DPP4: variants seen among roughly 807,000 people sequenced by gnomAD.
The protein encoded by DPP4 is ADCP-2.
DPP4 carries 93 observed loss-of-function variants against 122.4 expected under a neutral mutation model. That is an observed-to-expected ratio of 0.76 (90% CI 0.64 to 0.90). The LOEUF (loss-of-function observed/expected upper bound fraction) is 0.90. Among genes scored for constraint, DPP4 ranks in the 40% least tolerant of loss-of-function variants. DPP4 has a pLI of 0.00. For synonymous variants in DPP4, 321 were observed against 302.9 expected, an observed-to-expected ratio of 1.06 and a Z score of -0.62; for missense variants, 914 against 907.3, an observed-to-expected ratio of 1.01 and a Z score of -0.09.
intron 2 of DPP4, among the ~76,000 whole-genome samples, chr2:162,058,923 A>T (rs1270200469): frequency 6.6e-6 from 1 of 152,262 alleles, no homozygotes; most frequent in African/African-American, 2.4e-5. Flanking sequence ...TGCTCACAAG[A>T]CTGGACTTGA....
chr2:162,005,272 C>T (rs780068882), intron 23 of DPP4, among the ~76,000 whole-genome samples: 1 of 152,198 alleles, frequency 6.6e-6, no homozygotes, highest in Non-Finnish European at 1.5e-5. Flanking sequence ...TACTGCCCAA[C>T]TGTACCTACC....
intron 22 of DPP4, among the ~76,000 whole-genome samples, chr2:162,007,785 T>C (rs1236829257): frequency 6.6e-6 from 1 of 152,214 alleles, no homozygotes; most frequent in Non-Finnish European, 1.5e-5. Flanking sequence ...AATGTATTTT[T>C]ACATTGGTTT....
intron 5 of DPP4, among the ~76,000 whole-genome samples, chr2:162,041,005 C>CA (rs1189680899): frequency 2.0e-5 from 3 of 151,600 alleles, no homozygotes; most frequent in Admixed American, 6.6e-5. Context: ...ATGCAATTTA[C>CA]AAAAAACTAT....
intron 18 of DPP4, among the ~76,000 whole-genome samples, chr2:162,015,581 G>T (rs1481210209): frequency 6.6e-6 from 1 of 151,994 alleles, no homozygotes; most frequent in Non-Finnish European, 1.5e-5. Context: ...CTTTGGTTTG[G>T]GGGGTTCTTT....
rs1576057707 is a variant in DPP4, at chr2:162,039,401, C to T, written c.367-217G>A. Among the ~76,000 whole-genome samples, 3 of 152,176 alleles carry T rather than the reference C, an allele frequency of 2.0e-5. 1 individual carries two copies. In the Middle Eastern group the frequency reaches 0.01, roughly 518 times the overall value. ...GAGTTCATCTACAACCTAGCTCTGG[C>T]ACCACCTCCTCCAGGACCACAGTGC... On this transcript the variant is annotated intron_variant, in intron 5 of 25. Coordinates refer to ENST00000360534, the MANE Select transcript of DPP4 (RefSeq NM_001935.4).
chr2:162,018,230 G>T (rs1682991960), intron 16 of DPP4, among the ~76,000 whole-genome samples: 1 of 152,202 alleles, frequency 6.6e-6, no homozygotes, highest in Non-Finnish European at 1.5e-5. Flanking sequence ...TAAAAGGGAT[G>T]GCTCGGGCGG....
intron 1 of DPP4, 95 bp from the exon 2 acceptor site, chr2:162,073,581 C>T: frequency 1.6e-6 from 2 of 1,276,300 alleles, no homozygotes; most frequent in Non-Finnish European, 1.1e-6. Context: ...GCAGGATTTG[C>T]AGGTGGGAGT....
rs200659443 is a variant in DPP4, at chr2:162,024,859, G to T, written c.968C>A (p.Ser323Ter). The change falls in exon 11 of 26, where the codon TCG becomes TAG. Residue 323 changes from serine (S) to a stop codon, truncating the protein, a stop_gained. Coordinates refer to ENST00000360534, the MANE Select transcript of DPP4 (RefSeq NM_001935.4). LOFTEE classifies it high-confidence loss of function. ...ATCATAGTCACAAATATCCATGACC[G>T]AATAGTTCTGAATCCTCCTGAGCCA... ...LQWLRRIQNY[S>*]VMDICDYDES... 1.3e-5 allele frequency: 21 copies of T among 1,613,732 alleles called. No homozygotes were observed. The highest frequency in any genetic ancestry group is 1.7e-5 in the Non-Finnish European group (20 of 1,180,016).
intron 25 of DPP4, among the ~76,000 whole-genome samples, chr2:161,993,902 T>C (rs1038980574): frequency 2.0e-5 from 3 of 152,226 alleles, no homozygotes; most frequent in Non-Finnish European, 2.9e-5. Context: ...AAAAACTCTA[T>C]TTCAATATTA....
chr2:162,035,228 T>C lies in DPP4; in HGVS notation c.710A>G (p.Glu237Gly). The change falls in exon 9 of 26, where the codon GAA (glutamate) becomes GGA (glycine). Residue 237 changes from glutamate (E) to glycine (G), a missense_variant. Physicochemically the swap from Glu to Gly is moderately conservative, Grantham distance 98. Coordinates refer to ENST00000360534, the MANE Select transcript of DPP4 (RefSeq NM_001935.4). ...TGACTCATCAGAGTAGAAGGAGTAT[T>C]CAATAAGTGGGACTTCTGTGTCGTT... is the stretch of plus-strand genomic sequence containing the variant. The part of the protein sequence containing the change: ...QFNDTEVPLI[E>G]YSFYSDESLQ... 6.2e-7 allele frequency: 1 copy of C among 1,614,096 alleles called. No homozygotes were observed.
chr2:162,068,779 C>T (rs556522356), intron 2 of DPP4, among the ~76,000 whole-genome samples: 1 of 152,206 alleles, frequency 6.6e-6, no homozygotes, highest in South Asian at 2.1e-4. Flanking sequence ...TCAGTCATTG[C>T]CTGTATACAG....
intron 1 of DPP4, chr2:162,073,701 G>C: frequency 7.6e-6 from 5 of 659,096 alleles, no homozygotes; most frequent in Non-Finnish European, 1.3e-5. Flanking sequence ...GAGCACATTA[G>C]CGTTGGTTTC....
chr2:162,047,543 GA>G, intron 2 of DPP4, 42 bp from the exon 3 acceptor site: 1 of 1,383,366 alleles, frequency 7.2e-7, no homozygotes, highest in Non-Finnish European at 1.0e-6. Flanking sequence ...CAGTAAGATG[GA>G]ATAACCTAAG....
chr2:162,043,064 A>G (rs1421161417), intron 5 of DPP4, among the ~76,000 whole-genome samples: 1 of 152,196 alleles, frequency 6.6e-6, no homozygotes, highest in Non-Finnish European at 1.5e-5. Flanking sequence ...GTGATGCTTG[A>G]GAAAAAGAAA....
intron 18 of DPP4, among the ~76,000 whole-genome samples, chr2:162,016,177 C>T (rs1012688810): frequency 6.6e-5 from 10 of 152,250 alleles, no homozygotes; most frequent in African/African-American, 2.2e-4. Flanking sequence ...CCCCTATAAG[C>T]TGTTAGCCCT....
At chr2:162,059,193 G>C (rs577617490) in intron 2 of DPP4, among the ~76,000 whole-genome samples, 6 of 152,268 alleles carry the variant, frequency 3.9e-5, no homozygotes, top group Admixed American at 2.0e-4. Flanking sequence ...TACACACACA[G>C]GGAGCCAGCA....
chr2:162,058,747 T>C (rs1049040876), intron 2 of DPP4, among the ~76,000 whole-genome samples: 5 of 152,210 alleles, frequency 3.3e-5, no homozygotes, highest in Non-Finnish European at 5.9e-5. Flanking sequence ...AAGTCTGCCA[T>C]TGTAACTTGC....
chr2:162,024,531 T>C (rs1050083759), intron 11 of DPP4, among the ~76,000 whole-genome samples: 9 of 152,166 alleles, frequency 5.9e-5, no homozygotes, highest in Non-Finnish European at 1.3e-4. Flanking sequence ...TCAGATTCTA[T>C]CTTGTGGTCA....
chr2:162,047,273 G>GA (rs149913490), intron 3 of DPP4, 130 bp downstream of exon 3: 9,588 of 443,762 alleles, frequency 0.022, no homozygotes, highest in Non-Finnish European at 0.026. Flanking sequence ...AGTAGAAAAA[G>GA]AAAAAAAAAA....
Sources: allele counts gnomAD v4.1 joint callset (sites outside exome capture counted in the v4.1 genomes callset), GRCh38; gene constraint gnomAD v4.1.1; transcripts MANE v1.5; gene names NCBI Gene and HGNC (gene_info 2026-07-23, HGNC 2026-07-21).